CDH18: variants seen among roughly 807,000 people sequenced by gnomAD.
The protein encoded by CDH18 is cadherin 18.
A neutral mutation model predicts 67.9 loss-of-function variants in CDH18; 31 were observed. The observed-to-expected ratio is 0.46, with a 90% confidence interval of 0.34 to 0.62. CDH18 has a LOEUF of 0.62. CDH18 is among the 20% of genes least tolerant of loss of function. The pLI, the probability that CDH18 is intolerant of heterozygous loss-of-function variation, is 0.01. For missense variants in CDH18, 890 were observed against 975.5 expected, an observed-to-expected ratio of 0.91 and a Z score of 1.17; for synonymous variants, 362 against 347.2, an observed-to-expected ratio of 1.04 and a Z score of -0.48.
chr5:20,364,272 C>A (rs529340057), intron 1 of CDH18, among the ~76,000 whole-genome samples: 36 of 152,052 alleles, frequency 2.4e-4, no homozygotes, highest in African/African-American at 8.2e-4. Flanking sequence ...CAGAGACACA[C>A]ACACACACAC....
intron 1 of CDH18, among the ~76,000 whole-genome samples, chr5:20,414,452 A>T (rs1412855129): frequency 6.6e-6 from 1 of 152,116 alleles, no homozygotes; most frequent in Non-Finnish European, 1.5e-5. Flanking sequence ...AACAATAGAC[A>T]CTGGGCTTCC....
In CDH18 at chr5:20,287,562, C is replaced by G. The variant is rs1727162327; in HGVS notation, c.-579-32057G>C. Among the ~76,000 whole-genome samples, 5 of 151,786 alleles carry G rather than the reference C, an allele frequency of 3.3e-5. No individual in the cohort carries two copies. In the South Asian group the frequency reaches 1.0e-3, roughly 31 times the overall value. On this transcript the variant is annotated intron_variant, in intron 1 of 14. Coordinates refer to the CDH18 transcript ENST00000507958. The stretch of plus-strand genomic sequence containing the variant: ...AAATAGTAAACAAATATTAAAAGCT[C>G]ACAGCCTTAGAATTTTGCTGAGGTT...
intron 10 of CDH18, among the ~76,000 whole-genome samples, chr5:19,504,140 G>A (rs537570922): frequency 6.6e-6 from 1 of 152,168 alleles, no homozygotes; most frequent in South Asian, 2.1e-4. Flanking sequence ...GAAAGATGAG[G>A]AGGAAAATAA....
intron 6 of CDH18, among the ~76,000 whole-genome samples, chr5:19,594,249 T>C (rs893911296): frequency 6.6e-6 from 1 of 152,094 alleles, no homozygotes; most frequent in Non-Finnish European, 1.5e-5. Context: ...CCTCCTGGCT[T>C]CACAGGATTC....
At chr5:19,960,328 T>C (rs1234454672) in intron 2 of CDH18, among the ~76,000 whole-genome samples, 1 of 151,984 alleles carries the variant, frequency 6.6e-6, no homozygotes. Flanking sequence ...TCATTTGTTT[T>C]TACTTTTTAA....
At chr5:19,939,766 T>G (rs1277522434) in intron 2 of CDH18, among the ~76,000 whole-genome samples, 1 of 151,872 alleles carries the variant, frequency 6.6e-6, no homozygotes, top group East Asian at 1.9e-4. Context: ...GGTGATCATT[T>G]CGATTTGTTA....
chr5:20,333,431 C>G (rs1222945348), intron 1 of CDH18, among the ~76,000 whole-genome samples: 2 of 149,950 alleles, frequency 1.3e-5, no homozygotes, highest in Non-Finnish European at 3.0e-5. Flanking sequence ...CGCTTGAACC[C>G]AAGAGGCGGA....
chr5:20,551,429 A>T (rs78158943), intron 1 of CDH18, among the ~76,000 whole-genome samples: 6,313 of 152,236 alleles, frequency 0.041, 422 homozygotes, highest in African/African-American at 0.14. Context: ...CAGGAAAAAG[A>T]CTAGTCTAAT....
At chr5:20,352,391 A>G (rs992890909) in intron 1 of CDH18, among the ~76,000 whole-genome samples, 4 of 151,426 alleles carry the variant, frequency 2.6e-5, no homozygotes, top group African/African-American at 9.7e-5. Context: ...TTATACATAG[A>G]TTTTTGACTG....
intron 1 of CDH18, among the ~76,000 whole-genome samples, chr5:20,436,439 T>C (rs912686511): frequency 6.6e-6 from 1 of 151,894 alleles, no homozygotes; most frequent in Non-Finnish European, 1.5e-5. Context: ...TTTATGTAAC[T>C]TACTTTCACT....
At chr5:19,541,389 AC>A (rs2127062364) in intron 9 of CDH18, among the ~76,000 whole-genome samples, 1 of 151,944 alleles carries the variant, frequency 6.6e-6, no homozygotes, top group South Asian at 2.1e-4. Flanking sequence ...AACTGTTTCA[AC>A]TTCTGACTGT....
At chr5:19,506,386 T>C (rs1205949816) in intron 10 of CDH18, among the ~76,000 whole-genome samples, 1 of 152,162 alleles carries the variant, frequency 6.6e-6, no homozygotes, top group African/African-American at 2.4e-5. Context: ...AATGACTTTC[T>C]TCACAGAATT....
chr5:20,536,352 TAAG>T lies in CDH18; in HGVS notation c.-580+39107_-580+39109del, dbSNP rs1354372031. On this transcript the variant is annotated intron_variant, in intron 1 of 14. Transcript: ENST00000507958. ...TGAATGGTGTTCTTCTGTATTTTTA[TAAG>T]AATAGGTGATAAGAATGTCAATGCT... 3.3e-5 allele frequency among the ~76,000 whole-genome samples: 5 copies of T among 152,240 alleles called. No homozygotes were observed. The East Asian group carries it at 9.6e-4, about 29-fold the overall frequency.
At chr5:19,554,304 G>C (rs1394446744) in intron 8 of CDH18, among the ~76,000 whole-genome samples, 1 of 152,060 alleles carries the variant, frequency 6.6e-6, no homozygotes, top group African/African-American at 2.4e-5. Context: ...CATTAATCTT[G>C]AGTTCTAGAA....
chr5:20,287,529 C>T (rs950943160), intron 1 of CDH18, among the ~76,000 whole-genome samples: 1 of 151,686 alleles, frequency 6.6e-6, no homozygotes, highest in African/African-American at 2.4e-5. Flanking sequence ...AAGCATTACA[C>T]ATTTATCAAA....
At chr5:20,475,744 G>A (rs1449854792) in intron 1 of CDH18, among the ~76,000 whole-genome samples, 1 of 152,038 alleles carries the variant, frequency 6.6e-6, no homozygotes, top group African/African-American at 2.4e-5. Context: ...GTTTTCCCCT[G>A]TTCTAACACA....
chr5:19,529,426 GGATATAT>G (rs1324320311), intron 9 of CDH18, among the ~76,000 whole-genome samples: 1 of 151,956 alleles, frequency 6.6e-6, no homozygotes, highest in Admixed American at 6.5e-5. Flanking sequence ...AGAAATGTAA[GGATATAT>G]GCTCTCAGAA....
chr5:20,290,751 A>T (rs888854397), intron 1 of CDH18, among the ~76,000 whole-genome samples: 7 of 152,166 alleles, frequency 4.6e-5, no homozygotes, highest in Admixed American at 3.9e-4. Context: ...AAAACAGAAT[A>T]GTAGCTCAGG....
intron 1 of CDH18, among the ~76,000 whole-genome samples, chr5:20,296,508 G>A (rs551731736): frequency 4.5e-4 from 69 of 152,018 alleles, no homozygotes; most frequent in Middle Eastern, 3.4e-3. Context: ...TGATCTGCCC[G>A]CTTCAGCCTC....
Sources: gnomAD v4.1 joint callset for allele counts (sites outside exome capture counted in the v4.1 genomes callset) on GRCh38, gnomAD v4.1.1 for gene constraint, MANE v1.5 for transcripts, NCBI Gene and HGNC (gene_info 2026-07-23, HGNC 2026-07-21) for gene names.